Variants in SLCO3A1 observed in about 807,000 individuals in gnomAD.
SLCO3A1 encodes the protein PGE1 transporter.
Under a neutral mutation model 63.1 loss-of-function variants are expected in SLCO3A1, and 27 were observed. The ratio of observed to expected loss-of-function variants is 0.43; its 90% CI spans 0.32 to 0.59. The LOEUF (loss-of-function observed/expected upper bound fraction) is 0.59. SLCO3A1 is among the 20% of genes least tolerant of loss of function. SLCO3A1 has a pLI of 0.09. For missense variants in SLCO3A1, 773 were observed against 945.8 expected (o/e 0.82, Z 2.40); for synonymous variants, 473 against 409.9 (o/e 1.15, Z -1.86).
intron 9 of SLCO3A1, among the ~76,000 whole-genome samples, chr15:92,156,025 T>C (rs1429735265): frequency 6.6e-6 from 1 of 152,154 alleles, no homozygotes; most frequent in African/African-American, 2.4e-5. Flanking sequence ...CCTGAGCAGA[T>C]TGTCCTTGGT....
intron 3 of SLCO3A1, among the ~76,000 whole-genome samples, chr15:92,095,970 C>G (rs913966643): frequency 6.6e-6 from 1 of 152,222 alleles, no homozygotes; most frequent in East Asian, 1.9e-4. Flanking sequence ...TTTCCTGTTG[C>G]TGCATAAGAA....
intron 1 of SLCO3A1, among the ~76,000 whole-genome samples, chr15:91,888,702 G>A (rs1897788402): frequency 6.6e-6 from 1 of 152,182 alleles, no homozygotes; most frequent in African/African-American, 2.4e-5. Flanking sequence ...GCAGTAGCTG[G>A]CTGGGTACAG....
At chr15:91,993,550 A>G (rs984847146) in intron 2 of SLCO3A1, among the ~76,000 whole-genome samples, 3 of 152,194 alleles carry the variant, frequency 2.0e-5, no homozygotes, top group Non-Finnish European at 4.4e-5. Context: ...TCCATTCTTC[A>G]GATAAATATT....
At chr15:92,151,061 T>C in intron 9 of SLCO3A1, 47 bp downstream of exon 9, 2 of 1,286,372 alleles carry the variant, frequency 1.6e-6, no homozygotes, top group Non-Finnish European at 2.2e-6. Flanking sequence ...GGATGCTTAT[T>C]ACTAGGTGAG....
chr15:92,137,177 T>A (rs1318010957), intron 7 of SLCO3A1, among the ~76,000 whole-genome samples: 1 of 137,900 alleles, frequency 7.3e-6, no homozygotes, highest in East Asian at 2.1e-4. Context: ...CCTGTGTCCA[T>A]GTGATCTCAT....
chr15:91,854,050 G>A lies in SLCO3A1; in HGVS notation c.142G>A (p.Ala48Thr). 1 of 1,537,886 alleles carries A rather than the reference G, an allele frequency of 6.5e-7. No homozygotes were observed. Among genetic ancestry groups the A allele is most frequent in the Non-Finnish European group, 8.8e-7 (1 of 1,140,116 alleles). ...NIKIFLVSEC[A>T]LMLAQGTVGA... Reference sequence around the variant, plus strand: ...CAAGATCTTCCTGGTGTCCGAGTGCGCCCTGATGCTGGCGCAGGGCACGGT... The same window carrying A: ...CAAGATCTTCCTGGTGTCCGAGTGCACCCTGATGCTGGCGCAGGGCACGGT... Residue 48 changes from alanine to threonine, a missense_variant, in exon 1 of 10, where the codon GCC (alanine) becomes ACC (threonine). By Grantham distance (58) the Ala-to-Thr change is moderately conservative (BLOSUM62 0). This residue lies in a region of SLCO3A1 where 69 missense variants were observed against 64.6 expected (regional missense o/e 1.07). Coordinates refer to ENST00000318445, the MANE Select transcript of SLCO3A1 (RefSeq NM_013272.4). This position sits in a 1 kb window ranked among gnomAD's most constrained non-coding sequence, Gnocchi z 6.4.
At position 92,033,885 on chromosome 15, in the gene SLCO3A1, G is replaced by C. The variant is rs1248477803; in HGVS notation, c.647-60996G>C. Among the ~76,000 whole-genome samples, 3 of 152,140 alleles carry C rather than the reference G, an allele frequency of 2.0e-5. No individual in the cohort carries two copies. The highest frequency in any genetic ancestry group is 2.9e-5 in the Non-Finnish European group (2 of 68,022). On this transcript the variant is annotated intron_variant, in intron 2 of 9. Coordinates refer to ENST00000318445, the MANE Select transcript of SLCO3A1 (RefSeq NM_013272.4). The surrounding 1 kb of genome is among the most constrained non-coding windows in gnomAD (Gnocchi z 4.5). The stretch of plus-strand genomic sequence containing the variant: ...TTCCAGACAGACCAGTGAGGGCTGA[G>C]GCTTATTAGGGCTGGAGCAGGCTGG...
intron 2 of SLCO3A1, among the ~76,000 whole-genome samples, chr15:91,976,048 T>C (rs892298540): frequency 6.6e-6 from 1 of 152,212 alleles, no homozygotes; most frequent in Non-Finnish European, 1.5e-5. Context: ...TTATTTTTAA[T>C]GTTAGATACT....
intron 3 of SLCO3A1, among the ~76,000 whole-genome samples, chr15:92,101,695 G>T (rs971389485): frequency 1.3e-5 from 2 of 152,068 alleles, no homozygotes; most frequent in African/African-American, 2.4e-5. Flanking sequence ...CAGTGCTCCG[G>T]ATAATTGAAA....
At chr15:91,922,283 G>A (rs974933507) in intron 2 of SLCO3A1, among the ~76,000 whole-genome samples, 2 of 152,164 alleles carry the variant, frequency 1.3e-5, no homozygotes, top group African/African-American at 4.8e-5. Flanking sequence ...CAGCGGAAAG[G>A]GGTTCTTTGA....
intron 1 of SLCO3A1, among the ~76,000 whole-genome samples, chr15:91,868,601 G>A (rs1322372664): frequency 6.6e-6 from 1 of 152,116 alleles, no homozygotes; most frequent in Non-Finnish European, 1.5e-5. Context: ...GGGCTTTGGG[G>A]TCTTTGAAGT....
At position 91,862,539 on chromosome 15, in the gene SLCO3A1, C is replaced by T. The variant is rs1567161279; in HGVS notation, c.180+8451C>T. ...TCTGCCAGGTTGTCCTTTGGGACAA[C>T]TTTTGGGTGTCTGGATAATGAACCT... On this transcript the variant is annotated intron_variant, in intron 1 of 9. Coordinates refer to ENST00000318445, the MANE Select transcript of SLCO3A1 (RefSeq NM_013272.4). The surrounding 1 kb of genome is among the most constrained non-coding windows in gnomAD (Gnocchi z 4.0). Among the ~76,000 whole-genome samples the T allele has an allele frequency of 6.6e-6, 1 of 152,170 alleles. No homozygotes were observed. Among genetic ancestry groups the T allele is most frequent in the Admixed American group, 6.5e-5 (1 of 15,282 alleles).
chr15:92,166,215 C>T (rs2048492671), downstream of SLCO3A1, among the ~76,000 whole-genome samples: 1 of 152,138 alleles, frequency 6.6e-6, no homozygotes, highest in Non-Finnish European at 1.5e-5. Context: ...GGGGACAGGG[C>T]TCCAGAAGGC....
intron 2 of SLCO3A1, among the ~76,000 whole-genome samples, chr15:91,985,879 C>G (rs1315087891): frequency 1.3e-5 from 2 of 152,186 alleles, no homozygotes; most frequent in East Asian, 3.9e-4. Flanking sequence ...GGAGCTGGTT[C>G]CTGTGGGCTT....
At position 92,158,604 on chromosome 15, in the gene SLCO3A1, A is replaced by G. The variant is rs181976967; in HGVS notation, c.1754-4152A>G. Among the ~76,000 whole-genome samples, 313 of 152,300 alleles carry G rather than the reference A, an allele frequency of 2.1e-3. 1 individual carries two copies. Among genetic ancestry groups the G allele is most frequent in the Non-Finnish European group, 1.1e-3 (73 of 68,014 alleles). On this transcript the variant is annotated intron_variant, in intron 9 of 9. Transcript: ENST00000318445. Reference sequence around the variant, plus strand: ...ACAGTCTCCCATTTGTCTATGGGGAACCAGCTCCTTGCAGGGACTGCCTGA... The same window carrying G: ...ACAGTCTCCCATTTGTCTATGGGGAGCCAGCTCCTTGCAGGGACTGCCTGA...
chr15:92,090,914 C>T (rs1269941279), intron 2 of SLCO3A1, among the ~76,000 whole-genome samples: 2 of 152,224 alleles, frequency 1.3e-5, no homozygotes, highest in Non-Finnish European at 2.9e-5. Context: ...TTGTTACCCC[C>T]ACTTTACAGA....
intron 7 of SLCO3A1, among the ~76,000 whole-genome samples, chr15:92,136,146 T>TCTGCTAA (rs1443729234): frequency 1.3e-5 from 2 of 152,204 alleles, no homozygotes; most frequent in African/African-American, 2.4e-5. Flanking sequence ...TTCATGTATC[T>TCTGCTAA]CTGCTAACTG....
chr15:92,009,952 G>A (rs2046351377), intron 2 of SLCO3A1, among the ~76,000 whole-genome samples: 1 of 152,308 alleles, frequency 6.6e-6, no homozygotes, highest in Non-Finnish European at 1.5e-5. Context: ...GCACATGGAA[G>A]TCTTATGGAG....
Position 92,126,069 on chromosome 15 carries a change from G to A in SLCO3A1, c.1183G>A (p.Ala395Thr). The A allele has an allele frequency of 6.2e-7, 1 of 1,613,908 alleles. No homozygotes were observed. The highest frequency in any genetic ancestry group is 8.5e-7 in the Non-Finnish European group (1 of 1,179,982). ...SSANQLLGMT[A>T]IPCACLGIFL... The stretch of plus-strand genomic sequence containing the variant: ...CTCTATTTTCCTTCCAGGGATGACT[G>A]CGATCCCGTGTGCTTGTCTGGGTAT... The change falls in exon 6 of 10, where the codon GCG (alanine) becomes ACG (threonine). Residue 395 changes from alanine (A) to threonine (T), a missense_variant. Coordinates refer to ENST00000318445, the MANE Select transcript of SLCO3A1 (RefSeq NM_013272.4).
Sources: allele counts gnomAD v4.1 joint callset (sites outside exome capture counted in the v4.1 genomes callset), GRCh38; gene constraint gnomAD v4.1.1; regional missense constraint gnomAD v4.1.1; non-coding constraint Gnocchi (gnomAD v3.1); transcripts MANE v1.5; gene names NCBI Gene and HGNC (gene_info 2026-07-23, HGNC 2026-07-21).